RB1CC1: variants seen among roughly 807,000 people sequenced by gnomAD.
RB1CC1 encodes RB1 inducible coiled-coil 1.
A neutral mutation model predicts 177.5 loss-of-function variants in RB1CC1; 46 were observed. The ratio of observed to expected loss-of-function variants is 0.26; its 90% CI spans 0.20 to 0.33. The LOEUF is 0.33. Ranked by LOEUF, RB1CC1 falls within the 10% of genes least tolerant of loss-of-function variation. The pLI is 1.00. For synonymous variants in RB1CC1, 666 were observed against 613.6 expected, an observed-to-expected ratio of 1.09 and a Z score of -1.26; for missense variants, 1,703 against 1,816.3, an observed-to-expected ratio of 0.94 and a Z score of 1.13.
chr8:52,675,902 A>G (rs537370064), intron 6 of RB1CC1, among the ~76,000 whole-genome samples: 70 of 151,290 alleles, frequency 4.6e-4, no homozygotes, highest in African/African-American at 9.4e-4. Context: ...AAAAAAAAAA[A>G]AAAAGAAAAG....
intron 1 of RB1CC1, among the ~76,000 whole-genome samples, chr8:52,700,519 A>G (rs2150687680): frequency 6.6e-6 from 1 of 152,296 alleles, no homozygotes; most frequent in South Asian, 2.1e-4. Flanking sequence ...TAGGCAACAG[A>G]GCAAGACTAT....
rs1160291679 is a variant in RB1CC1 at position 52,656,916 on chromosome 8, CTCA to C, written c.2910_2912del (p.Asp970del). 6.2e-7 allele frequency: 1 copy of C among 1,613,132 alleles called. No homozygotes were observed. Among genetic ancestry groups the C allele is most frequent in the African/African-American group, 1.3e-5 (1 of 74,892 alleles). ...GTTCTGCCCTCAATAACTGTAACTTCTCATCATTTTCAACATGGAGCTTTTTTA... is the reference window on the plus strand; with the variant it reads ...GTTCTGCCCTCAATAACTGTAACTTCTCATTTTCAACATGGAGCTTTTTTA... On this transcript the variant is annotated inframe_deletion, in exon 15 of 24. Transcript: ENST00000025008.
chr8:52,647,942 G>C (rs1165286722), intron 15 of RB1CC1, among the ~76,000 whole-genome samples: 1 of 152,148 alleles, frequency 6.6e-6, no homozygotes, highest in East Asian at 1.9e-4. Context: ...ACTAGAAAAA[G>C]TGTGGTTCAA....
At chr8:52,700,391 C>T (rs536481925) in intron 1 of RB1CC1, among the ~76,000 whole-genome samples, 96 of 145,440 alleles carry the variant, frequency 6.6e-4, no homozygotes, top group Non-Finnish European at 1.1e-3. Context: ...GGTGTGGTGA[C>T]GCACACCTGT....
chr8:52,697,295 T>TAAAAAA (rs35428453), intron 1 of RB1CC1, among the ~76,000 whole-genome samples: 3 of 87,918 alleles, frequency 3.4e-5, no homozygotes, highest in African/African-American at 1.3e-4. Context: ...AAATGGTTAC[T>TAAAAAA]AAAAAAAAAA....
chr8:52,704,760 C>T (rs112991506), intron 1 of RB1CC1, among the ~76,000 whole-genome samples: 26 of 152,144 alleles, frequency 1.7e-4, no homozygotes, highest in East Asian at 7.7e-4. Flanking sequence ...GGTACAAGCA[C>T]AGAAATCAAC....
intron 1 of RB1CC1, among the ~76,000 whole-genome samples, chr8:52,707,533 C>A (rs915337680): frequency 1.0e-4 from 15 of 149,964 alleles, no homozygotes; most frequent in Admixed American, 3.4e-4. Flanking sequence ...TCTAATCCAA[C>A]CCCTCATTTT....
intron 1 of RB1CC1, among the ~76,000 whole-genome samples, chr8:52,690,842 T>C (rs1377552385): frequency 2.0e-5 from 3 of 152,196 alleles, no homozygotes; most frequent in Admixed American, 6.5e-5. Context: ...ACTCCATACA[T>C]GCTCTCTCTC....
Position 52,639,709 on chromosome 8 carries a change from C to T in RB1CC1, c.4337+2642G>A, listed in dbSNP as rs75344456. 2.7e-3 allele frequency among the ~76,000 whole-genome samples: 417 copies of T among 152,216 alleles called. 8 individuals are homozygous for T. The highest frequency in any genetic ancestry group is 0.018 in the East Asian group (93 of 5,190). ...TGCATTATATCAATTGTCATTTCAG[C>T]TTCTACTGACATGACTCTATAAACC... On this transcript the variant is annotated intron_variant, in intron 18 of 23. Coordinates refer to ENST00000025008, the MANE Select transcript of RB1CC1 (RefSeq NM_014781.5).
Position 52,656,604 on chromosome 8 carries a change from T to A in RB1CC1, c.3225A>T (p.Lys1075Asn). 1 of 1,613,244 alleles carries A rather than the reference T, an allele frequency of 6.2e-7. No individual in the cohort carries two copies. ...ALKEAETDEI[K>N]ILLEESRAQQ... ...GGGCTCTGCTTTCTTCCAGCAAAAT[T>A]TTTATTTCATCAGTTTCTGCTTCCT... is the stretch of plus-strand genomic sequence containing the variant. Residue 1075 changes from lysine (K) to asparagine (N), a missense_variant, in exon 15 of 24, where the codon AAA (lysine) becomes AAT (asparagine). Lys to Asn is a moderately conservative substitution (Grantham distance 94). Coordinates refer to ENST00000025008, the MANE Select transcript of RB1CC1 (RefSeq NM_014781.5).
At chr8:52,683,440 G>T in intron 5 of RB1CC1, 109 bp downstream of exon 5, 2 of 1,017,810 alleles carry the variant, frequency 2.0e-6, no homozygotes, top group Non-Finnish European at 2.6e-6. Flanking sequence ...TATTTTTAAA[G>T]TTTATTTGTC....
chr8:52,711,958 G>T (rs1194595787), intron 1 of RB1CC1, among the ~76,000 whole-genome samples: 2 of 152,144 alleles, frequency 1.3e-5, no homozygotes, highest in Non-Finnish European at 2.9e-5. Context: ...GCCGGGCTTT[G>T]GGAGTCCGAG....
chr8:52,632,063 T>C (rs1053766790), intron 20 of RB1CC1, among the ~76,000 whole-genome samples: 1 of 152,224 alleles, frequency 6.6e-6, no homozygotes, highest in African/African-American at 2.4e-5. Context: ...CTTCCTCTAC[T>C]GATGATGAGC....
rs1363348922 is a variant in RB1CC1 at position 52,623,774 on chromosome 8, T to C, written c.*8A>G. ...AATGTCATAGAATGTATTAATTTTG[T>C]CCATAAGTTATACTTTCTTATTCCA... On this transcript the variant is annotated 3_prime_UTR_variant, in exon 24 of 24. Transcript: ENST00000025008. 6.4e-7 allele frequency: 1 copy of C among 1,573,230 alleles called. No individual in the cohort carries two copies. The highest frequency in any genetic ancestry group is 1.1e-5 in the South Asian group (1 of 90,196).
At chr8:52,689,242 C>T (rs775042368) in intron 1 of RB1CC1, among the ~76,000 whole-genome samples, 18 of 152,104 alleles carry the variant, frequency 1.2e-4, no homozygotes, top group Non-Finnish European at 2.1e-4. Context: ...CTAGATTCAC[C>T]CAATCTCTCA....
intron 12 of RB1CC1, among the ~76,000 whole-genome samples, chr8:52,659,771 G>A (rs1240722701): frequency 6.6e-6 from 1 of 152,196 alleles, no homozygotes; most frequent in Non-Finnish European, 1.5e-5. Flanking sequence ...GCCAAGGTGG[G>A]CAGAACACTT....
chr8:52,623,408 TGG>T lies in RB1CC1; in HGVS notation c.*372_*373del, dbSNP rs1190572122. On this transcript the variant is annotated 3_prime_UTR_variant, in exon 24 of 24. Coordinates refer to ENST00000025008, the MANE Select transcript of RB1CC1 (RefSeq NM_014781.5). ...ACTGATTTCACAAAAGGACAAATGC[TGG>T]TAATAATAACATTTAACATCTAAGT... 6.4e-5 allele frequency: 20 copies of T among 313,860 alleles called. No homozygotes were observed. The East Asian group carries it at 1.6e-3, about 25-fold the overall frequency. 19.4% of individuals were successfully genotyped at this position (313,860 alleles called of 1,614,324 possible).
rs1002621210 is a variant in RB1CC1, at chr8:52,642,492, G to A, written c.4196C>T (p.Pro1399Leu). The change falls in exon 18 of 24, where the codon CCT becomes CTT. Residue 1399 changes from proline to leucine, a missense_variant. Physicochemically the swap from Pro to Leu is moderately conservative, Grantham distance 98. Coordinates refer to ENST00000025008, the MANE Select transcript of RB1CC1 (RefSeq NM_014781.5). The part of the protein sequence containing the change: ...VSKLRSSSFV[P>L]SPYVATAPEL... ...TGGGGCTGTAGCTACATATGGTGAA[G>A]GAACAAAACTGCTACTACGCAACTT... 2 of 1,614,036 alleles carry A rather than the reference G, an allele frequency of 1.2e-6. No homozygotes were observed. Among genetic ancestry groups the A allele is most frequent in the Non-Finnish European group, 1.7e-6 (2 of 1,179,974 alleles).
intron 5 of RB1CC1, among the ~76,000 whole-genome samples, chr8:52,683,036 T>C (rs1165601830): frequency 6.6e-6 from 1 of 152,152 alleles, no homozygotes; most frequent in Non-Finnish European, 1.5e-5. Context: ...AGCTTACCAC[T>C]GATAGCTTAA....
Sources: allele counts gnomAD v4.1 joint callset (sites outside exome capture counted in the v4.1 genomes callset), GRCh38; gene constraint gnomAD v4.1.1; transcripts MANE v1.5; gene names NCBI Gene and HGNC (gene_info 2026-07-23, HGNC 2026-07-21).